The following KCNN2 variants were observed in gnomAD, a reference collection of about 807,000 sequenced individuals.
The protein encoded by KCNN2 is potassium calcium-activated channel subfamily N member 2.
A neutral mutation model predicts 55.5 loss-of-function variants in KCNN2; 24 were observed. That is an observed-to-expected ratio of 0.43 (90% confidence interval 0.31 to 0.61). KCNN2 has a LOEUF of 0.61. KCNN2 is among the 20% of genes least tolerant of loss of function. The pLI, the probability that KCNN2 is intolerant of heterozygous loss-of-function variation, is 0.08. For missense variants in KCNN2, 754 were observed against 853.6 expected, an observed-to-expected ratio of 0.88 and a Z score of 1.45; for synonymous variants, 431 against 336.1, an observed-to-expected ratio of 1.28 and a Z score of -3.09.
chr5:114,212,703 C>G (rs4705493), intron 1 of KCNN2, among the ~76,000 whole-genome samples: 1 of 151,618 alleles, frequency 6.6e-6, no homozygotes, highest in Non-Finnish European at 1.5e-5. Flanking sequence ...GAAGGACATC[C>G]GTGTAAGAAC....
At chr5:114,112,852 T>C (rs75019650) in intron 1 of KCNN2, among the ~76,000 whole-genome samples, 7,018 of 152,172 alleles carry the variant, frequency 0.046, 534 homozygotes, top group African/African-American at 0.16. Flanking sequence ...ATGTGTTATG[T>C]TTCTACATGC....
intron 2 of KCNN2, among the ~76,000 whole-genome samples, chr5:114,354,464 C>G (rs912952279): frequency 6.6e-6 from 1 of 152,046 alleles, no homozygotes; most frequent in African/African-American, 2.4e-5. Flanking sequence ...AGGGCTAAAA[C>G]TGCTACAGCT....
intron 2 of KCNN2, among the ~76,000 whole-genome samples, chr5:114,389,208 A>G (rs538100747): frequency 6.6e-6 from 1 of 151,960 alleles, no homozygotes; most frequent in African/African-American, 2.4e-5. Flanking sequence ...TTTTTTCCCC[A>G]TTGTATATGT....
Position 114,353,933 on chromosome 5 carries a change from T to C in KCNN2, c.-184-7012T>C, listed in dbSNP as rs555387392. ...TTAGTTTATCCTAAAGTTTGTTGAA[T>C]TTCTTGGAGGTGTAGATGAATGTTT... On this transcript the variant is annotated intron_variant, in intron 2 of 10. Coordinates refer to the KCNN2 transcript ENST00000512097. Among the ~76,000 whole-genome samples, 4 of 152,064 alleles carry C rather than the reference T, an allele frequency of 2.6e-5. No individual in the cohort carries two copies. In the South Asian group the frequency reaches 8.3e-4, roughly 32 times the overall value.
At chr5:114,475,084 GAGTT>G (rs1283269934) in intron 5 of KCNN2, among the ~76,000 whole-genome samples, 2 of 152,034 alleles carry the variant, frequency 1.3e-5, no homozygotes, top group Non-Finnish European at 2.9e-5. Context: ...AAAAGACAAA[GAGTT>G]AGAAAAGACA....
chr5:114,369,750 T>C (rs543153892), intron 2 of KCNN2, among the ~76,000 whole-genome samples: 10 of 152,294 alleles, frequency 6.6e-5, no homozygotes, highest in Middle Eastern at 3.4e-3. Context: ...GCATTATTAA[T>C]GGGTGTAACG....
chr5:114,379,840 G>T (rs1338381811), intron 2 of KCNN2, among the ~76,000 whole-genome samples: 1 of 141,410 alleles, frequency 7.1e-6, no homozygotes, highest in African/African-American at 2.6e-5. Flanking sequence ...ATATTATATA[G>T]CTTATATATT....
chr5:114,375,160 G>T (rs929687108), intron 2 of KCNN2, among the ~76,000 whole-genome samples: 4 of 151,982 alleles, frequency 2.6e-5, no homozygotes, highest in Non-Finnish European at 5.9e-5. Flanking sequence ...TTCATGAACT[G>T]TTTAATTTTT....
At position 114,479,669 on chromosome 5, in the gene KCNN2, T is replaced by TAACA. The variant is rs1373975268; in HGVS notation, c.1890+6510_1890+6513dup. On this transcript the variant is annotated intron_variant, in intron 5 of 7. Coordinates refer to ENST00000673685, the MANE Select transcript of KCNN2 (RefSeq NM_021614.4). ...AGCAAATGCAAAAGAACTGAAATCA[T>TAACA]AACAAACAGTCTCAGACCACAGTGC... 3.3e-5 allele frequency among the ~76,000 whole-genome samples: 5 copies of TAACA among 152,236 alleles called. 1 individual carries two copies. The Middle Eastern group carries it at 0.014, about 414-fold the overall frequency.
chr5:114,299,408 C>T (rs1026238360), intron 2 of KCNN2, among the ~76,000 whole-genome samples: 4 of 152,150 alleles, frequency 2.6e-5, no homozygotes, highest in African/African-American at 9.7e-5. Context: ...TTTTCCTTAT[C>T]AGTGCTGAGT....
At chr5:114,285,582 C>T (rs898886054) in intron 2 of KCNN2, among the ~76,000 whole-genome samples, 12 of 152,184 alleles carry the variant, frequency 7.9e-5, no homozygotes, top group African/African-American at 2.4e-4. Flanking sequence ...GTAGCAAATT[C>T]GCAAGGTGGT....
intron 3 of KCNN2, among the ~76,000 whole-genome samples, chr5:114,445,800 G>A (rs1760382523): frequency 6.6e-6 from 1 of 152,194 alleles, no homozygotes; most frequent in African/African-American, 2.4e-5. Flanking sequence ...TCAGTACTGG[G>A]TAATGAGAGA....
At chr5:114,077,272 G>C (rs1275391892) in intron 1 of KCNN2, among the ~76,000 whole-genome samples, 1 of 152,222 alleles carries the variant, frequency 6.6e-6, no homozygotes, top group Non-Finnish European at 1.5e-5. Context: ...AGTATCAGTG[G>C]GGGTCTGCAT....
At chr5:114,287,139 G>A (rs1033596391) in intron 2 of KCNN2, among the ~76,000 whole-genome samples, 1 of 152,132 alleles carries the variant, frequency 6.6e-6, no homozygotes, top group African/African-American at 2.4e-5. Flanking sequence ...AGAGTAGAGG[G>A]TGAAAAGCTA....
chr5:114,185,530 G>T (rs1044477276), intron 1 of KCNN2, among the ~76,000 whole-genome samples: 1 of 152,154 alleles, frequency 6.6e-6, no homozygotes, highest in African/African-American at 2.4e-5. Flanking sequence ...GGCAGGAAGC[G>T]CTCTAGCAGG....
chr5:114,491,046 CAATCA>C (rs1306534483), intron 6 of KCNN2, among the ~76,000 whole-genome samples: 1 of 152,110 alleles, frequency 6.6e-6, no homozygotes, highest in Non-Finnish European at 1.5e-5. Flanking sequence ...AAAGGAATTC[CAATCA>C]AATAAGGCTA....
At chr5:114,131,992 A>G (rs1752081216) in intron 1 of KCNN2, among the ~76,000 whole-genome samples, 1 of 151,904 alleles carries the variant, frequency 6.6e-6, no homozygotes, top group Non-Finnish European at 1.5e-5. Context: ...TTTTTCTTGT[A>G]AATTTGTCTA....
In KCNN2 at chr5:114,164,946, C is replaced by G. The variant is rs1005400786; in HGVS notation, c.-270-56534C>G. Among the ~76,000 whole-genome samples, 29 of 152,252 alleles carry G rather than the reference C, an allele frequency of 1.9e-4. No individual in the cohort carries two copies. In the South Asian group the frequency reaches 5.2e-3, roughly 27 times the overall value. ...TGCACGTAATAATTAACTTAACGTTCCTAATGATCCTATAAGGAAGGCACT... is the reference window on the plus strand; with the variant it reads ...TGCACGTAATAATTAACTTAACGTTGCTAATGATCCTATAAGGAAGGCACT... On this transcript the variant is annotated intron_variant, in intron 1 of 10. Coordinates refer to the KCNN2 transcript ENST00000512097.
At chr5:114,291,606 T>C (rs1755890066) in intron 2 of KCNN2, among the ~76,000 whole-genome samples, 2 of 152,244 alleles carry the variant, frequency 1.3e-5, no homozygotes, top group African/African-American at 4.8e-5. Context: ...ACATTTGGGT[T>C]GGTTCCAAGT....
Sources: allele counts gnomAD v4.1 joint callset (sites outside exome capture counted in the v4.1 genomes callset), GRCh38; gene constraint gnomAD v4.1.1; transcripts MANE v1.5; gene names NCBI Gene and HGNC (gene_info 2026-07-23, HGNC 2026-07-21).